The following DSCAM variants were observed in gnomAD, a reference collection of about 807,000 sequenced individuals.
DSCAM encodes the protein cell adhesion molecule DSCAM.
In DSCAM, 47 loss-of-function variants were observed where a neutral mutation model predicts 217.7. The ratio of observed to expected loss-of-function variants is 0.22; its 90% CI spans 0.17 to 0.28. The LOEUF (loss-of-function observed/expected upper bound fraction) is 0.28, where lower values mean the gene tolerates loss of function less well. Ranked by LOEUF, DSCAM falls within the 10% of genes least tolerant of loss-of-function variation. The probability of loss-of-function intolerance (pLI) is 1.00; values close to 1 mark genes in which losing one functional copy is unlikely to be tolerated. For missense variants in DSCAM, 2,080 were observed against 2,618.3 expected (o/e 0.79, Z 4.49); for synonymous variants, 1,056 against 1,015.3 (o/e 1.04, Z -0.76).
intron 3 of DSCAM, among the ~76,000 whole-genome samples, chr21:40,475,001 G>A (rs533058234): frequency 5.1e-4 from 77 of 151,916 alleles, no homozygotes; most frequent in Non-Finnish European, 9.7e-4. Context: ...AAAAAAAAAA[G>A]CCCATCACCC....
chr21:40,592,822 T>C (rs1045570272), intron 3 of DSCAM, among the ~76,000 whole-genome samples: 1 of 152,194 alleles, frequency 6.6e-6, no homozygotes, highest in Non-Finnish European at 1.5e-5. Flanking sequence ...TCACAGAATA[T>C]AAGCCCCATG....
At position 40,338,379 on chromosome 21, in the gene DSCAM, G is replaced by A. The variant is rs1601563572; in HGVS notation, c.1508-3C>T. ...CATTGGTCGAATGCTTGCAGGCCCT[G>A]GAGAGACACAAAGAAACTCTTGAAA... On this transcript the variant is annotated splice_polypyrimidine_tract_variant and splice_region_variant and intron_variant, in intron 7 of 32. Coordinates refer to ENST00000400454, the MANE Select transcript of DSCAM (RefSeq NM_001389.5). 1 of 1,607,868 alleles carries A rather than the reference G, an allele frequency of 6.2e-7. No individual in the cohort carries two copies. The highest frequency in any genetic ancestry group is 2.2e-5 in the East Asian group (1 of 44,698).
chr21:40,304,121 C>T (rs1183426500), intron 9 of DSCAM, among the ~76,000 whole-genome samples: 2 of 152,224 alleles, frequency 1.3e-5, no homozygotes, highest in Non-Finnish European at 2.9e-5. Context: ...CTTATTGGCT[C>T]ATACATAACA....
intron 1 of DSCAM, among the ~76,000 whole-genome samples, chr21:40,761,087 A>G (rs984555909): frequency 1.3e-5 from 2 of 152,246 alleles, no homozygotes; most frequent in South Asian, 4.1e-4. Flanking sequence ...GGAAAGAGTC[A>G]GTCTGGTATC....
chr21:40,413,799 C>T (rs767953106), intron 3 of DSCAM, among the ~76,000 whole-genome samples: 2 of 152,126 alleles, frequency 1.3e-5, no homozygotes, highest in African/African-American at 2.4e-5. Flanking sequence ...AAAACAGACC[C>T]ACACAGATAG....
intron 3 of DSCAM, among the ~76,000 whole-genome samples, chr21:40,620,111 GAA>G (rs757423909): frequency 2.4e-5 from 1 of 42,064 alleles, no homozygotes; most frequent in African/African-American, 1.1e-4. Flanking sequence ...AGAGAAAAAA[GAA>G]AAAGAAAGAA....
intron 1 of DSCAM, among the ~76,000 whole-genome samples, chr21:40,743,541 G>A (rs576657651): frequency 1.8e-4 from 27 of 152,012 alleles, no homozygotes; most frequent in African/African-American, 6.5e-4. Flanking sequence ...TAGAGATGTC[G>A]AATTTCACAC....
At chr21:40,306,359 T>C (rs896757908) in intron 9 of DSCAM, among the ~76,000 whole-genome samples, 2 of 151,250 alleles carry the variant, frequency 1.3e-5, no homozygotes, top group African/African-American at 4.9e-5. Flanking sequence ...CGATGGGGTT[T>C]TCTAGATATA....
chr21:40,301,118 T>C (rs949386036), intron 9 of DSCAM, among the ~76,000 whole-genome samples: 1 of 152,166 alleles, frequency 6.6e-6, no homozygotes, highest in Non-Finnish European at 1.5e-5. Context: ...GAACCCAACC[T>C]AGGACAAGGC....
chr21:40,423,153 G>C (rs2075440597), intron 3 of DSCAM, among the ~76,000 whole-genome samples: 1 of 152,138 alleles, frequency 6.6e-6, no homozygotes, highest in African/African-American at 2.4e-5. Flanking sequence ...GTATCGCCTG[G>C]GTAATTTATG....
rs191442593 is a variant in DSCAM at position 40,645,302 on chromosome 21, G to A, written c.508+47508C>T. On this transcript the variant is annotated intron_variant, in intron 3 of 32. Transcript: ENST00000400454. ...GATTGAGTATGCTACACAGGCATCC[G>A]AAACCACAGAGATGCAATAACTGAA... is the stretch of plus-strand genomic sequence containing the variant. 2.3e-4 allele frequency among the ~76,000 whole-genome samples: 35 copies of A among 152,184 alleles called. No homozygotes were observed. In the East Asian group the frequency reaches 5.2e-3, roughly 23 times the overall value.
chr21:40,658,008 G>A (rs1279431970), intron 3 of DSCAM, among the ~76,000 whole-genome samples: 1 of 152,196 alleles, frequency 6.6e-6, no homozygotes, highest in Non-Finnish European at 1.5e-5. Context: ...GCCAGGTAAA[G>A]TTTCCCTTGG....
chr21:40,610,766 A>G (rs1255974952), intron 3 of DSCAM, among the ~76,000 whole-genome samples: 1 of 152,208 alleles, frequency 6.6e-6, no homozygotes, highest in Admixed American at 6.5e-5. Context: ...AGGTCTTAAA[A>G]AGATGAGACC....
chr21:40,599,918 T>C (rs2077049809), intron 3 of DSCAM, among the ~76,000 whole-genome samples: 2 of 152,134 alleles, frequency 1.3e-5, no homozygotes, highest in South Asian at 4.1e-4. Flanking sequence ...AGAAGTCAAA[T>C]CTCTGGATAG....
chr21:40,564,682 T>G (rs1568908629), intron 3 of DSCAM, among the ~76,000 whole-genome samples: 1 of 152,192 alleles, frequency 6.6e-6, no homozygotes, highest in African/African-American at 2.4e-5. Context: ...CTAAATGGAA[T>G]GAGCACGTGA....
At chr21:40,264,432 A>G (rs1396466583) in intron 11 of DSCAM, among the ~76,000 whole-genome samples, 1 of 152,264 alleles carries the variant, frequency 6.6e-6, no homozygotes, top group African/African-American at 2.4e-5. Context: ...GATTCATCAC[A>G]TAAACATAAT....
At chr21:40,085,400 T>C (rs2089518609) in intron 23 of DSCAM, among the ~76,000 whole-genome samples, 1 of 152,212 alleles carries the variant, frequency 6.6e-6, no homozygotes, top group Non-Finnish European at 1.5e-5. Context: ...TCTCAGTATT[T>C]CTGAGGTTGT....
In DSCAM at chr21:40,442,511, TTTTTTG is replaced by T. The variant is rs1420949915; in HGVS notation, c.509-73272_509-73267del. ...GATACAAATTAAGACCCCTAATTTTTTTTTTGTTTTTTTTTTTTTTTTTGGTGAGAT... is the reference window on the plus strand; with the variant it reads ...GATACAAATTAAGACCCCTAATTTTTTTTTTTTTTTTTTTTTTGGTGAGAT... On this transcript the variant is annotated intron_variant, in intron 3 of 32. Coordinates refer to ENST00000400454, the MANE Select transcript of DSCAM (RefSeq NM_001389.5). Among the ~76,000 whole-genome samples the T allele has an allele frequency of 5.3e-4, 44 of 83,736 alleles. 1 individual carries two copies. The highest frequency in any genetic ancestry group is 1.6e-3 in the African/African-American group (42 of 25,952). The allele number at this position is 83,736 out of a possible 152,430, so 54.9% of individuals were successfully genotyped here.
chr21:40,072,661 T>C (rs1208299075), intron 27 of DSCAM, among the ~76,000 whole-genome samples: 1 of 152,174 alleles, frequency 6.6e-6, no homozygotes, highest in Non-Finnish European at 1.5e-5. Flanking sequence ...CCTGTCAGAT[T>C]CTTGATTTGA....
Sources: gnomAD v4.1 joint callset for allele counts (sites outside exome capture counted in the v4.1 genomes callset) on GRCh38, gnomAD v4.1.1 for gene constraint, MANE v1.5 for transcripts, NCBI Gene and HGNC (gene_info 2026-07-23, HGNC 2026-07-21) for gene names.